Variants in CALCR observed in about 807,000 individuals in gnomAD.
CALCR encodes calcitonin receptor.
CALCR carries 47 observed loss-of-function variants against 59.5 expected under a neutral mutation model. The ratio of observed to expected loss-of-function variants is 0.79; its 90% CI spans 0.63 to 1.01. The LOEUF is 1.01. CALCR is among the 50% of genes least tolerant of loss of function. The pLI is 0.00. For missense variants in CALCR, 566 were observed against 597.1 expected (o/e 0.95, Z 0.54); for synonymous variants, 213 against 211.3 (o/e 1.01, Z -0.07).
intron 2 of CALCR, among the ~76,000 whole-genome samples, chr7:93,490,598 C>T (rs556006989): frequency 1.3e-5 from 2 of 151,800 alleles, no homozygotes; most frequent in South Asian, 4.2e-4. Flanking sequence ...TACAAGCATT[C>T]CTTTAATCCA....
intron 2 of CALCR, among the ~76,000 whole-genome samples, chr7:93,507,231 AACAC>A (rs34181575): frequency 8.7e-5 from 13 of 149,752 alleles, no homozygotes; most frequent in South Asian, 2.1e-4. Context: ...TTCCTTGTTG[AACAC>A]ACACACACAC....
At chr7:93,500,545 C>T (rs559379422) in intron 2 of CALCR, among the ~76,000 whole-genome samples, 20 of 152,010 alleles carry the variant, frequency 1.3e-4, no homozygotes, top group Non-Finnish European at 2.1e-4. Context: ...AATTTTCTGC[C>T]TCTCCCCCAT....
chr7:93,453,396 C>T (rs2158045), intron 8 of CALCR, among the ~76,000 whole-genome samples: 60,585 of 151,738 alleles, frequency 0.4, 12,778 homozygotes, highest in South Asian at 0.48. Flanking sequence ...AGTAGAAGAG[C>T]GAGGACTTAG....
chr7:93,507,220 C>T (rs1426698326), intron 2 of CALCR, among the ~76,000 whole-genome samples: 1 of 142,764 alleles, frequency 7.0e-6, no homozygotes, highest in Non-Finnish European at 1.5e-5. Context: ...GCCCAGAATA[C>T]TTCCTTGTTG....
At chr7:93,495,134 A>G (rs973450488) in intron 2 of CALCR, among the ~76,000 whole-genome samples, 3 of 151,380 alleles carry the variant, frequency 2.0e-5, no homozygotes, top group Non-Finnish European at 4.4e-5. Context: ...GGACAGTATC[A>G]CCAAACAGCA....
chr7:93,532,854 A>AAAAAAAAAAAAAAAAAAAAAAAAAAC (rs1788881348), intron 2 of CALCR, among the ~76,000 whole-genome samples: 1 of 150,994 alleles, frequency 6.6e-6, no homozygotes, highest in African/African-American at 2.4e-5. Flanking sequence ...AAAAAAAAAA[A>AAAAAAAAAAAAAAAAAAAAAAAAAAC]AAAAAAAAAT....
At chr7:93,510,292 A>T (rs1234114373) in intron 2 of CALCR, among the ~76,000 whole-genome samples, 1 of 152,140 alleles carries the variant, frequency 6.6e-6, no homozygotes, top group African/African-American at 2.4e-5. Context: ...GGAGCTACTT[A>T]GGACCCGTCC....
At chr7:93,482,559 AC>A (rs1339404987) in intron 3 of CALCR, among the ~76,000 whole-genome samples, 1 of 151,980 alleles carries the variant, frequency 6.6e-6, no homozygotes, top group East Asian at 2.0e-4. Context: ...ATGGCTGACA[AC>A]CAACCAAGAG....
intron 2 of CALCR, among the ~76,000 whole-genome samples, chr7:93,507,546 C>T (rs1196637620): frequency 6.6e-6 from 1 of 150,870 alleles, no homozygotes; most frequent in Non-Finnish European, 1.5e-5. Flanking sequence ...CAGAAGAAAC[C>T]AAAGAAACCT....
chr7:93,470,915 T>A (rs1342999164), intron 6 of CALCR, among the ~76,000 whole-genome samples: 1 of 147,204 alleles, frequency 6.8e-6, no homozygotes, highest in Non-Finnish European at 1.5e-5. Context: ...CCCAATGCTA[T>A]CCCTCACCCC....
chr7:93,440,419 G>T (rs1256584338), intron 9 of CALCR, among the ~76,000 whole-genome samples: 1 of 151,944 alleles, frequency 6.6e-6, no homozygotes, highest in African/African-American at 2.4e-5. Context: ...CAAAGATAAT[G>T]CTTGCTTAAA....
intron 13 of CALCR, among the ~76,000 whole-genome samples, chr7:93,432,012 G>C (rs2283005): frequency 0.22 from 33,025 of 151,998 alleles, 4,006 homozygotes; most frequent in East Asian, 0.39. Context: ...GGAAATGCTT[G>C]ATACATAAGC....
At chr7:93,445,965 A>T (rs1256812075) in intron 8 of CALCR, among the ~76,000 whole-genome samples, 3 of 152,214 alleles carry the variant, frequency 2.0e-5, no homozygotes, top group South Asian at 4.1e-4. Context: ...ATGAGAACTG[A>T]AACAAGAAGG....
At position 93,504,470 on chromosome 7, in the gene CALCR, T is replaced by C. The variant is rs1193318538; in HGVS notation, c.-26-17463A>G. 2.0e-5 allele frequency among the ~76,000 whole-genome samples: 3 copies of C among 152,214 alleles called. No individual in the cohort carries two copies. The East Asian group carries it at 5.8e-4, about 29-fold the overall frequency. On this transcript the variant is annotated intron_variant, in intron 2 of 13. Coordinates refer to ENST00000426151, the MANE Select transcript of CALCR (RefSeq NM_001742.4). Reference sequence around the variant, plus strand: ...CTGGTAGAAATTCTTTAACCATGTATTATTTCCTCTGCTCAACAGCGTCTT... The same window carrying C: ...CTGGTAGAAATTCTTTAACCATGTACTATTTCCTCTGCTCAACAGCGTCTT...
At chr7:93,449,980 CTGGGCATGCGTA>C in intron 8 of CALCR, among the ~76,000 whole-genome samples, 1 of 152,158 alleles carries the variant, frequency 6.6e-6, no homozygotes, top group East Asian at 1.9e-4. Context: ...GGTCTTCAGA[CTGGGCATGCGTA>C]TGTGCCTTTG....
chr7:93,544,749 A>G (rs541644751), intron 2 of CALCR, among the ~76,000 whole-genome samples: 1 of 152,328 alleles, frequency 6.6e-6, no homozygotes, highest in East Asian at 1.9e-4. Flanking sequence ...AGTGTGACCT[A>G]AATGACCATT....
intron 2 of CALCR, among the ~76,000 whole-genome samples, chr7:93,537,808 A>G (rs1291904208): frequency 6.6e-6 from 1 of 151,868 alleles, no homozygotes; most frequent in African/African-American, 2.4e-5. Flanking sequence ...AAGTTAAACT[A>G]CATATTTGAT....
At chr7:93,534,325 A>C (rs1788928226) in intron 2 of CALCR, among the ~76,000 whole-genome samples, 1 of 151,858 alleles carries the variant, frequency 6.6e-6, no homozygotes, top group East Asian at 1.9e-4. Flanking sequence ...GTCCAAAATC[A>C]CACAGAAAGT....
chr7:93,495,348 C>T (rs566755779), intron 2 of CALCR, among the ~76,000 whole-genome samples: 1 of 151,426 alleles, frequency 6.6e-6, no homozygotes, highest in South Asian at 2.1e-4. Context: ...TTTGTTCACT[C>T]TTGCAACCCA....
Sources: allele counts gnomAD v4.1 joint callset (sites outside exome capture counted in the v4.1 genomes callset), GRCh38; gene constraint gnomAD v4.1.1; transcripts MANE v1.5; gene names NCBI Gene and HGNC (gene_info 2026-07-23, HGNC 2026-07-21).